PTPRZ1: variants seen among roughly 807,000 people sequenced by gnomAD.
PTPRZ1 encodes protein tyrosine phosphatase receptor type Z1, also known as receptor-type tyrosine-protein phosphatase zeta.
In PTPRZ1, 82 loss-of-function variants were observed where a neutral mutation model predicts 214.1. The ratio of observed to expected loss-of-function variants is 0.38; its 90% CI spans 0.32 to 0.46. The LOEUF (loss-of-function observed/expected upper bound fraction) is 0.46, where lower values mean the gene tolerates loss of function less well. Ranked by LOEUF, PTPRZ1 falls within the 20% of genes least tolerant of loss-of-function variation. The probability of loss-of-function intolerance (pLI) is 1.00; values close to 1 mark genes in which losing one functional copy is unlikely to be tolerated. For synonymous variants in PTPRZ1, 945 were observed against 987.9 expected (o/e 0.96, Z 0.81); for missense variants, 2,603 against 2,748.7 (o/e 0.95, Z 1.19).
intron 1 of PTPRZ1, among the ~76,000 whole-genome samples, chr7:121,902,256 G>A (rs933472342): frequency 1.3e-5 from 2 of 152,100 alleles, no homozygotes; most frequent in African/African-American, 2.4e-5. Flanking sequence ...TCCATTGATG[G>A]ACACTTAGAT....
chr7:122,010,350 A>G lies in PTPRZ1; in HGVS notation c.1304A>G (p.Lys435Arg), dbSNP rs1798607987. ...TTTTCAAAGGAGGAGGAAGAGGGAA[A>G]AGACATTGAAGAAGGCGCTATTGTG... ...EEIIKEEEEG[K>R]DIEEGAIVNP... The change falls in exon 12 of 30, where the codon AAA becomes AGA. Residue 435 changes from lysine (K) to arginine (R), a missense_variant. Lys to Arg is a conservative substitution (Grantham distance 26). This residue lies in a region of PTPRZ1 where 1,913 missense variants were observed against 1,914.3 expected (regional missense o/e 1.00). Coordinates refer to ENST00000393386, the MANE Select transcript of PTPRZ1 (RefSeq NM_002851.3). The G allele has an allele frequency of 6.2e-7, 1 of 1,605,088 alleles. No individual in the cohort carries two copies. The highest frequency in any genetic ancestry group is 1.3e-5 in the African/African-American group (1 of 74,248).
At chr7:122,027,765 T>C (rs964291154) in intron 13 of PTPRZ1, among the ~76,000 whole-genome samples, 1 of 152,200 alleles carries the variant, frequency 6.6e-6, no homozygotes, top group East Asian at 1.9e-4. Context: ...CAGATGCTAC[T>C]CTTATTATCC....
chr7:121,921,701 A>C (rs1311788658), intron 1 of PTPRZ1, among the ~76,000 whole-genome samples: 1 of 152,156 alleles, frequency 6.6e-6, no homozygotes, highest in Non-Finnish European at 1.5e-5. Context: ...TTTATTTTGA[A>C]GCCTTTGAAG....
intron 12 of PTPRZ1, among the ~76,000 whole-genome samples, chr7:122,017,741 T>G (rs1278898197): frequency 6.6e-6 from 1 of 151,652 alleles, no homozygotes; most frequent in Non-Finnish European, 1.5e-5. Flanking sequence ...TTTGTATTTT[T>G]TATTTTTTTT....
chr7:122,047,373 T>C (rs896923698), intron 23 of PTPRZ1, among the ~76,000 whole-genome samples: 3 of 152,154 alleles, frequency 2.0e-5, no homozygotes, highest in Admixed American at 6.6e-5. Context: ...TTTGCTTATG[T>C]TTTAATATGA....
At chr7:121,889,869 A>G (rs1794530222) in intron 1 of PTPRZ1, among the ~76,000 whole-genome samples, 1 of 152,114 alleles carries the variant, frequency 6.6e-6, no homozygotes, top group Non-Finnish European at 1.5e-5. Context: ...AATTGTTATC[A>G]TTGTGTCATT....
rs1799180697 is a variant in PTPRZ1 at position 122,025,378 on chromosome 7, G to C, written c.4989-3174G>C. On this transcript the variant is annotated intron_variant, in intron 13 of 29. Coordinates refer to ENST00000393386, the MANE Select transcript of PTPRZ1 (RefSeq NM_002851.3). Reference sequence around the variant, plus strand: ...GAGTTTCACTGCTGTTGCCCAGGCTGGAGTGCAATGGTGCGATCTCAGCTC... The same window carrying C: ...GAGTTTCACTGCTGTTGCCCAGGCTCGAGTGCAATGGTGCGATCTCAGCTC... Among the ~76,000 whole-genome samples, 3 of 144,288 alleles carry C rather than the reference G, an allele frequency of 2.1e-5. No individual in the cohort carries two copies. In the South Asian group the frequency reaches 6.5e-4, roughly 31 times the overall value. The allele number at this position is 144,288 out of a possible 152,430, so 94.7% of individuals were successfully genotyped here.
chr7:121,994,354 G>T (rs1798069935), intron 8 of PTPRZ1, among the ~76,000 whole-genome samples: 1 of 129,936 alleles, frequency 7.7e-6, no homozygotes, highest in African/African-American at 3.0e-5. Flanking sequence ...GAGTGCAGTG[G>T]CGCAATCTGG....
At chr7:121,905,788 CA>C (rs1260917145) in intron 1 of PTPRZ1, among the ~76,000 whole-genome samples, 1 of 152,070 alleles carries the variant, frequency 6.6e-6, no homozygotes, top group East Asian at 1.9e-4. Context: ...GGTTGGGCCG[CA>C]AGTAAATCTG....
chr7:121,956,782 T>A (rs186485896), intron 2 of PTPRZ1, among the ~76,000 whole-genome samples: 14 of 152,326 alleles, frequency 9.2e-5, no homozygotes, highest in African/African-American at 3.4e-4. Flanking sequence ...TGCACCAAGG[T>A]GGCCATGTAT....
At chr7:121,938,033 A>G (rs1198476990) in intron 2 of PTPRZ1, among the ~76,000 whole-genome samples, 2 of 152,190 alleles carry the variant, frequency 1.3e-5, no homozygotes, top group East Asian at 3.8e-4. Context: ...ATGTTTATAT[A>G]TATTTATCTA....
chr7:121,941,795 A>G (rs553173572), intron 2 of PTPRZ1, among the ~76,000 whole-genome samples: 3 of 152,300 alleles, frequency 2.0e-5, no homozygotes, highest in East Asian at 1.9e-4. Context: ...CTTCTTTACC[A>G]AGCAATAAAG....
chr7:121,936,612 A>G (rs1796092459), intron 2 of PTPRZ1, among the ~76,000 whole-genome samples: 1 of 151,968 alleles, frequency 6.6e-6, no homozygotes, highest in Non-Finnish European at 1.5e-5. Flanking sequence ...GTTAAAGTAG[A>G]AACACATCGA....
In PTPRZ1 at chr7:122,012,217, T is replaced by C; in HGVS notation, c.3171T>C (p.Pro1057=). 6.2e-7 allele frequency: 1 copy of C among 1,613,980 alleles called. No individual in the cohort carries two copies. The highest frequency in any genetic ancestry group is 8.5e-7 in the Non-Finnish European group (1 of 1,179,832). The change falls in exon 12 of 30, where the codon CCT becomes CCC. Residue 1057 remains proline, a synonymous_variant. Coordinates refer to ENST00000393386, the MANE Select transcript of PTPRZ1 (RefSeq NM_002851.3). ...GAAATGAGACTGAACTGCAAATTCC[T>C]TCTTTCAATGAGATGGTTTACCCTT... The part of the protein sequence containing the change: ...IYGNETELQI[P]SFNEMVYPSE...
intron 1 of PTPRZ1, among the ~76,000 whole-genome samples, chr7:121,920,482 G>C (rs1025051991): frequency 4.0e-5 from 6 of 151,720 alleles, no homozygotes; most frequent in African/African-American, 1.5e-4. Flanking sequence ...TCCTTTAATT[G>C]TTATTTGTAT....
At position 122,055,284 on chromosome 7, in the gene PTPRZ1, C is replaced by T. The variant is rs546099375; in HGVS notation, c.6528+197C>T. On this transcript the variant is annotated intron_variant, in intron 27 of 29. Transcript: ENST00000393386. Reference sequence around the variant, plus strand: ...ATCATTAAACAATTAGTCATCACTACGTCATTCCTGAATTTTACACACACA... The same window carrying T: ...ATCATTAAACAATTAGTCATCACTATGTCATTCCTGAATTTTACACACACA... Among the ~76,000 whole-genome samples the T allele has an allele frequency of 1.4e-3, 213 of 152,044 alleles. 1 individual carries two copies. The highest frequency in any genetic ancestry group is 2.3e-3 in the Non-Finnish European group (159 of 67,856).
chr7:122,046,352 G>A (rs148391509), intron 23 of PTPRZ1, among the ~76,000 whole-genome samples: 64 of 152,254 alleles, frequency 4.2e-4, no homozygotes, highest in African/African-American at 1.4e-3. Context: ...AGATTACAGT[G>A]AGCTATGATT....
intron 25 of PTPRZ1, among the ~76,000 whole-genome samples, chr7:122,052,594 G>C (rs1792220923): frequency 6.6e-6 from 1 of 152,176 alleles, no homozygotes; most frequent in African/African-American, 2.4e-5. Flanking sequence ...ATGTGTGGTA[G>C]TGGCATCTAA....
intron 23 of PTPRZ1, among the ~76,000 whole-genome samples, chr7:122,047,037 A>T (rs1183566597): frequency 6.6e-6 from 1 of 152,222 alleles, no homozygotes; most frequent in East Asian, 1.9e-4. Flanking sequence ...AATTCGGGAC[A>T]GCGGAATATA....
Sources: gnomAD v4.1 joint callset for allele counts (sites outside exome capture counted in the v4.1 genomes callset) on GRCh38, gnomAD v4.1.1 for gene constraint, gnomAD v4.1.1 regional missense constraint, MANE v1.5 for transcripts, NCBI Gene and HGNC (gene_info 2026-07-23, HGNC 2026-07-21) for gene names.